ZNF138: variants seen among roughly 807,000 people sequenced by gnomAD.
ZNF138 encodes the protein zinc finger protein 138, also known as zinc finger protein 138 (clone pHZ-32).
Under a neutral mutation model 33.0 loss-of-function variants are expected in ZNF138, and 33 were observed. That is an observed-to-expected ratio of 1.00 (90% CI 0.76 to 1.34). ZNF138 has a LOEUF of 1.34. Ranked by LOEUF, ZNF138 falls within the 40% of genes most tolerant of loss-of-function variation. ZNF138 has a pLI of 0.00. For synonymous variants in ZNF138, 139 were observed against 120.4 expected, an observed-to-expected ratio of 1.15 and a Z score of -1.01; for missense variants, 360 against 370.8, an observed-to-expected ratio of 0.97 and a Z score of 0.24.
chr7:64,814,848 T>A (rs1788477591), intron 1 of ZNF138, 70 bp from the exon 2 acceptor site: 2 of 1,592,628 alleles, frequency 1.3e-6, no homozygotes, highest in Non-Finnish European at 1.7e-6. Context: ...TTACCTTGAG[T>A]CAAATTTAAA....
rs1350752779 is a variant in ZNF138, at chr7:64,832,019, C to T, written c.777C>T (p.Ala259=). The stretch of plus-strand genomic sequence containing the variant: ...ATAAATGTGCACACTGTGGCAAAGC[C>T]TTTAAACAGTCCTCACACCTTACTA... The part of the protein sequence containing the change: ...KPYKCAHCGK[A]FKQSSHLTRH... Residue 259 remains alanine, a synonymous_variant, in exon 4 of 4, where the codon GCC becomes GCT. Transcript: ENST00000307355. 6 of 1,613,626 alleles carry T rather than the reference C, an allele frequency of 3.7e-6. No homozygotes were observed. Among genetic ancestry groups the T allele is most frequent in the South Asian group, 1.1e-5 (1 of 91,048 alleles).
chr7:64,826,264 T>C (rs116997989), intron 3 of ZNF138, among the ~76,000 whole-genome samples: 11,013 of 152,212 alleles, frequency 0.072, 531 homozygotes, highest in Non-Finnish European at 0.11. Flanking sequence ...TGTAGTGACG[T>C]GCTTTGATTA....
intron 1 of ZNF138, among the ~76,000 whole-genome samples, chr7:64,798,778 C>CAAA (rs75929259): frequency 5.2e-5 from 6 of 116,110 alleles, no homozygotes; most frequent in South Asian, 2.9e-4. Context: ...AACTCCGACT[C>CAAA]AAAAAAAAAA....
intron 3 of ZNF138, among the ~76,000 whole-genome samples, chr7:64,822,580 G>A (rs1301589316): frequency 6.6e-6 from 1 of 151,542 alleles, no homozygotes; most frequent in African/African-American, 2.4e-5. Context: ...GCAACTTTGT[G>A]GAAGATCATT....
chr7:64,814,798 ACTC>A, intron 1 of ZNF138, 117 bp from the exon 2 acceptor site: 1 of 1,280,482 alleles, frequency 7.8e-7, no homozygotes, highest in Non-Finnish European at 1.1e-6. Context: ...AATTTCAGTC[ACTC>A]CTGTAAGACA....
chr7:64,839,179 C>T, the ZNF138 span, among the ~76,000 whole-genome samples: 19 of 152,290 alleles, frequency 1.2e-4, no homozygotes, highest in South Asian at 8.3e-4. Flanking sequence ...AGTGTGCCTT[C>T]GGGGGGCCAG....
chr7:64,838,429 C>T (rs1237292977), downstream of ZNF138, among the ~76,000 whole-genome samples: 1 of 151,966 alleles, frequency 6.6e-6, no homozygotes, highest in Non-Finnish European at 1.5e-5. Flanking sequence ...TCCTGAGTTG[C>T]CGCACTTGAA....
chr7:64,821,085 TG>T lies in ZNF138; in HGVS notation c.208+5433del, dbSNP rs1230866783. 4.2e-4 allele frequency among the ~76,000 whole-genome samples: 63 copies of T among 150,140 alleles called. 3 individuals carry two copies. Among genetic ancestry groups the T allele is most frequent in the African/African-American group, 1.5e-3 (61 of 39,708 alleles). ...TTTTTGTTTTGTTTTGTTTTTTGTTTGTTTGTTTGTTTGTTTGTTTTTGGGA... is the reference window on the plus strand; with the variant it reads ...TTTTTGTTTTGTTTTGTTTTTTGTTTTTTGTTTGTTTGTTTGTTTTTGGGA... On this transcript the variant is annotated intron_variant, in intron 3 of 3. Transcript: ENST00000307355.
chr7:64,827,274 G>T (rs960358483), intron 3 of ZNF138, among the ~76,000 whole-genome samples: 4 of 148,364 alleles, frequency 2.7e-5, no homozygotes, highest in East Asian at 4.0e-4. Context: ...TTAAGACAGA[G>T]TCTCACTCTG....
At chr7:64,851,385 T>C in the ZNF138 span, among the ~76,000 whole-genome samples, 6 of 152,166 alleles carry the variant, frequency 3.9e-5, no homozygotes, top group Admixed American at 2.6e-4. Context: ...TGGGCTGCAA[T>C]GTTGGCAATG....
rs759794855 is a variant in ZNF138 at position 64,832,046 on chromosome 7, A to T, written c.804A>T (p.Arg268Ser). The change falls in exon 4 of 4, where the codon AGA (arginine) becomes AGT (serine). Residue 268 changes from arginine to serine, a missense_variant. Coordinates refer to ENST00000307355, the MANE Select transcript of ZNF138 (RefSeq NM_001271639.2). Reference sequence around the variant, plus strand: ...TTAAACAGTCCTCACACCTTACTAGACATAAGATAATTCATACTGAAGAGA... The same window carrying T: ...TTAAACAGTCCTCACACCTTACTAGTCATAAGATAATTCATACTGAAGAGA... ...KAFKQSSHLT[R>S]HKIIHTEEKP... The T allele has an allele frequency of 1.1e-5, 17 of 1,613,882 alleles. No individual in the cohort carries two copies. Among genetic ancestry groups the T allele is most frequent in the South Asian group, 7.7e-5 (7 of 91,088 alleles).
intron 1 of ZNF138, among the ~76,000 whole-genome samples, chr7:64,802,981 C>G (rs753378898): frequency 2.2e-4 from 34 of 152,084 alleles, no homozygotes; most frequent in Non-Finnish European, 4.4e-4. Flanking sequence ...TTCCCTACCC[C>G]CCTCTTACAT....
the ZNF138 span, among the ~76,000 whole-genome samples, chr7:64,840,884 C>T: frequency 0.99 from 150,057 of 152,274 alleles, 73,977 homozygotes; most frequent in East Asian, 1. Flanking sequence ...GAGGATGAGT[C>T]TGTACCTATT....
At chr7:64,804,910 T>TC (rs1223119793) in intron 1 of ZNF138, among the ~76,000 whole-genome samples, 1 of 152,172 alleles carries the variant, frequency 6.6e-6, no homozygotes, top group Non-Finnish European at 1.5e-5. Flanking sequence ...CTGCTCCCTT[T>TC]CTTCATAACA....
chr7:64,841,858 A>T, the ZNF138 span, among the ~76,000 whole-genome samples: 1 of 152,166 alleles, frequency 6.6e-6, no homozygotes, highest in Non-Finnish European at 1.5e-5. Context: ...CAGTTAATTA[A>T]GATAAAACGC....
chr7:64,815,756 T>C (rs1271251203), intron 3 of ZNF138, 103 bp downstream of exon 3: 3 of 1,117,456 alleles, frequency 2.7e-6, no homozygotes, highest in Non-Finnish European at 3.8e-6. Flanking sequence ...CCAAAGGAAA[T>C]AGTTTCTGGA....
At chr7:64,834,146 C>T (rs879235051), downstream of ZNF138, among the ~76,000 whole-genome samples, 2 of 25,250 alleles carry the variant, frequency 7.9e-5, no homozygotes, top group African/African-American at 2.4e-4. Context: ...ATTTTGTATC[C>T]GAAGCAGTTG....
At chr7:64,821,808 G>A (rs1789167383) in intron 3 of ZNF138, among the ~76,000 whole-genome samples, 1 of 151,436 alleles carries the variant, frequency 6.6e-6, no homozygotes, top group Non-Finnish European at 1.5e-5. Flanking sequence ...GCCTCCCAAA[G>A]TGTTGGGATT....
intron 1 of ZNF138, among the ~76,000 whole-genome samples, chr7:64,809,451 T>C (rs113891446): frequency 0.67 from 893 of 1,334 alleles, 394 homozygotes; most frequent in East Asian, 1. Flanking sequence ...GCTAACCCCC[T>C]GAACCTCCCT....
Sources: gnomAD v4.1 joint callset for allele counts (sites outside exome capture counted in the v4.1 genomes callset) on GRCh38, gnomAD v4.1.1 for gene constraint, MANE v1.5 for transcripts, NCBI Gene and HGNC (gene_info 2026-07-23, HGNC 2026-07-21) for gene names.